Variants in MYPN observed in about 807,000 individuals in gnomAD.
MYPN encodes sarcomeric protein myopalladin, 145 kDa (MYOP).
MYPN carries 63 observed loss-of-function variants against 129.4 expected under a neutral mutation model. The ratio of observed to expected loss-of-function variants is 0.49; its 90% CI spans 0.40 to 0.60. MYPN has a LOEUF of 0.60. Among genes scored for constraint, MYPN ranks in the 20% least tolerant of loss-of-function variants. The pLI is 0.00. For missense variants in MYPN, 1,596 were observed against 1,635.4 expected (o/e 0.98, Z 0.42); for synonymous variants, 629 against 600.9 (o/e 1.05, Z -0.68).
chr10:68,089,434 C>A (rs532275892), intron 1 of MYPN, among the ~76,000 whole-genome samples: 1 of 152,036 alleles, frequency 6.6e-6, no homozygotes, highest in African/African-American at 2.4e-5. Context: ...CTCCGTTTCC[C>A]GGGTTCATGC....
chr10:68,166,212 G>T (rs2043050796), intron 9 of MYPN, 82 bp from the exon 10 acceptor site: 1 of 1,536,708 alleles, frequency 6.5e-7, no homozygotes, highest in Non-Finnish European at 9.0e-7. Context: ...TTCCTCTGGT[G>T]TGAACACTTT....
At chr10:68,205,574 C>T (rs1043830116) in intron 18 of MYPN, among the ~76,000 whole-genome samples, 3 of 151,462 alleles carry the variant, frequency 2.0e-5, no homozygotes, top group Non-Finnish European at 4.4e-5. Flanking sequence ...GTAATCCCAG[C>T]TACTTGGAAA....
In MYPN at chr10:68,197,420, T is replaced by C; in HGVS notation, c.3227T>C (p.Leu1076Pro). 1 of 1,614,072 alleles carries C rather than the reference T, an allele frequency of 6.2e-7. No individual in the cohort carries two copies. The highest frequency in any genetic ancestry group is 8.5e-7 in the Non-Finnish European group (1 of 1,179,974). The change falls in exon 16 of 20, where the codon CTG becomes CCG. Residue 1076 changes from leucine (L) to proline (P), a missense_variant. Physicochemically the swap from Leu to Pro is moderately conservative, Grantham distance 98. Transcript: ENST00000358913. The stretch of plus-strand genomic sequence containing the variant: ...GAACGCTTTTTCCGACCACATTTCC[T>C]GCAGGCTCCTGGGGATATGGTAGCT... Reference protein sequence around the residue: ...LQERFFRPHFLQAPGDMVAHE... With the variant: ...LQERFFRPHFPQAPGDMVAHE...
chr10:68,104,553 A>G (rs1382548787), upstream of MYPN, among the ~76,000 whole-genome samples: 2 of 152,226 alleles, frequency 1.3e-5, no homozygotes, highest in Admixed American at 1.3e-4. Flanking sequence ...TTTCAGCAAT[A>G]ATGCCTAACT....
chr10:68,127,792 A>T (rs1157791307), intron 2 of MYPN, among the ~76,000 whole-genome samples: 1 of 152,150 alleles, frequency 6.6e-6, no homozygotes, highest in African/African-American at 2.4e-5. Context: ...GGATTTCCTT[A>T]AAAAATACCT....
At chr10:68,185,824 C>T (rs2134246265) in intron 12 of MYPN, among the ~76,000 whole-genome samples, 1 of 148,232 alleles carries the variant, frequency 6.7e-6, no homozygotes, top group Non-Finnish European at 1.5e-5. Context: ...GAATACAATC[C>T]AACAAAGAAA....
intron 2 of MYPN, among the ~76,000 whole-genome samples, chr10:68,125,992 C>G (rs1416557922): frequency 1.3e-5 from 2 of 152,046 alleles, no homozygotes; most frequent in Non-Finnish European, 2.9e-5. Context: ...GTAGAGGAGG[C>G]AGTGGTGGCT....
rs767471955 is a variant in MYPN at position 68,121,560 on chromosome 10, C to T, written c.122C>T (p.Pro41Leu). The T allele has an allele frequency of 3.7e-6, 6 of 1,614,208 alleles. No individual in the cohort carries two copies. The South Asian group carries it at 5.5e-5, about 15-fold the overall frequency. Residue 41 changes from proline to leucine, a missense_variant, in exon 2 of 20, where the codon CCT becomes CTT. Physicochemically the swap from Pro to Leu is moderately conservative, Grantham distance 98 (BLOSUM62 -3). Transcript: ENST00000358913. ...AGTCGAGCGGAGCCCTCCTCCAACCCTTGCCATTTCGGCAGTCCTTCTGGG... is the reference window on the plus strand; with the variant it reads ...AGTCGAGCGGAGCCCTCCTCCAACCTTTGCCATTTCGGCAGTCCTTCTGGG... ...ERSRAEPSSN[P>L]CHFGSPSGAA...
chr10:68,191,151 G>T (rs1159602084), intron 13 of MYPN, among the ~76,000 whole-genome samples: 1 of 151,710 alleles, frequency 6.6e-6, no homozygotes, highest in East Asian at 1.9e-4. Flanking sequence ...TTTTGCTCAG[G>T]GTTGTTTTGG....
intron 8 of MYPN, chr10:68,165,490 C>T (rs1283053800): frequency 7.7e-6 from 5 of 651,248 alleles, no homozygotes; most frequent in East Asian, 6.1e-5. Context: ...CTTGGCCTGT[C>T]TGCATGGAGT....
intron 2 of MYPN, chr10:68,136,813 T>A: frequency 2.2e-6 from 3 of 1,359,086 alleles, no homozygotes; most frequent in Non-Finnish European, 2.0e-6. Flanking sequence ...TTGAAATAGC[T>A]ATTGATATTT....
intron 1 of MYPN, among the ~76,000 whole-genome samples, chr10:68,100,066 G>GA (rs1417194951): frequency 6.6e-6 from 1 of 152,104 alleles, no homozygotes; most frequent in Admixed American, 6.5e-5. Context: ...GTATACCTTG[G>GA]AAAATCTTAA....
At chr10:68,184,197 C>G (rs915986992) in intron 12 of MYPN, among the ~76,000 whole-genome samples, 1 of 152,082 alleles carries the variant, frequency 6.6e-6, no homozygotes, top group South Asian at 2.1e-4. Context: ...TATCCTGATA[C>G]AAAGCAAGCA....
intron 3 of MYPN, 131 bp downstream of exon 3, chr10:68,143,246 G>C: frequency 1.3e-6 from 1 of 799,152 alleles, no homozygotes; most frequent in East Asian, 2.7e-5. Flanking sequence ...GAACCGAGTA[G>C]AACAAAAATA....
At chr10:68,187,922 G>A (rs1182819993) in intron 12 of MYPN, among the ~76,000 whole-genome samples, 1 of 152,116 alleles carries the variant, frequency 6.6e-6, no homozygotes, top group African/African-American at 2.4e-5. Context: ...TGGCATATTT[G>A]GAGACCCTAC....
In MYPN at chr10:68,135,232, C is replaced by T. The variant is rs570784458; in HGVS notation, c.903-7708C>T. Among the ~76,000 whole-genome samples the T allele has an allele frequency of 5.1e-3, 770 of 152,250 alleles. 4 individuals are homozygous for T. The highest frequency in any genetic ancestry group is 8.6e-3 in the Non-Finnish European group (587 of 68,026). On this transcript the variant is annotated intron_variant, in intron 2 of 19. Transcript: ENST00000358913. ...CCTCCCAAAGTGCTGGGATCACAGG[C>T]GTGAGCCACCGTGCCCAACCAGAAC...
At chr10:68,191,643 T>C (rs2043515608) in intron 13 of MYPN, among the ~76,000 whole-genome samples, 1 of 152,362 alleles carries the variant, frequency 6.6e-6, no homozygotes, top group African/African-American at 2.4e-5. Flanking sequence ...GAACGTGGGA[T>C]ATCTTTCCAT....
At chr10:68,159,632 A>C (rs916877726) in intron 7 of MYPN, among the ~76,000 whole-genome samples, 2 of 152,142 alleles carry the variant, frequency 1.3e-5, no homozygotes, top group Non-Finnish European at 2.9e-5. Flanking sequence ...TTCAGCCATA[A>C]ACTACATTGC....
In MYPN at chr10:68,143,051, C is replaced by T; in HGVS notation, c.1014C>T (p.Arg338=). The T allele has an allele frequency of 6.2e-7, 1 of 1,614,142 alleles. No homozygotes were observed. The highest frequency in any genetic ancestry group is 8.5e-7 in the Non-Finnish European group (1 of 1,180,010). Residue 338 remains arginine, a synonymous_variant, in exon 3 of 20, where the codon CGC becomes CGT. Coordinates refer to ENST00000358913, the MANE Select transcript of MYPN (RefSeq NM_032578.4). The part of the protein sequence containing the change: ...IAEAFEEDTG[R]YSCFASNIYG... ...AAGCCTTTGAAGAGGACACAGGACG[C>T]TATTCCTGCTTTGCTTCTAACATCT... is the stretch of plus-strand genomic sequence containing the variant.
Sources: gnomAD v4.1 joint callset for allele counts (sites outside exome capture counted in the v4.1 genomes callset) on GRCh38, gnomAD v4.1.1 for gene constraint, MANE v1.5 for transcripts, NCBI Gene and HGNC (gene_info 2026-07-23, HGNC 2026-07-21) for gene names.